ITSN2: variants seen among roughly 807,000 people sequenced by gnomAD.
The protein encoded by ITSN2 is intersectin 2, also known as intersectin-2.
In ITSN2, 156 loss-of-function variants were observed where a neutral mutation model predicts 243.7. The ratio of observed to expected loss-of-function variants is 0.64; its 90% CI spans 0.56 to 0.73. ITSN2 has a LOEUF of 0.73. Ranked by LOEUF, ITSN2 falls within the 30% of genes least tolerant of loss-of-function variation. The probability of loss-of-function intolerance (pLI) is 0.00; values close to 1 mark genes in which losing one functional copy is unlikely to be tolerated. For missense variants in ITSN2, 1,801 were observed against 1,996.1 expected, an observed-to-expected ratio of 0.90 and a Z score of 1.86; for synonymous variants, 703 against 699.9, an observed-to-expected ratio of 1.00 and a Z score of -0.07.
intron 8 of ITSN2, among the ~76,000 whole-genome samples, chr2:24,306,561 T>C (rs1682559593): frequency 6.6e-6 from 1 of 152,222 alleles, no homozygotes; most frequent in African/African-American, 2.4e-5. Flanking sequence ...CTTTAAAGTA[T>C]TCTGTTATGT....
At chr2:24,216,306 G>A in intron 31 of ITSN2, 74 bp from the exon 32 acceptor site, 2 of 1,218,014 alleles carry the variant, frequency 1.6e-6, no homozygotes, top group Non-Finnish European at 1.1e-6. Context: ...TCCCATGGCA[G>A]ACCAATGGTA....
At chr2:24,309,005 G>T in intron 7 of ITSN2, 3 of 436,814 alleles carry the variant, frequency 6.9e-6, no homozygotes, top group Non-Finnish European at 1.4e-5. Context: ...ACCCTATTGT[G>T]AATGGCACAT....
At chr2:24,299,833 A>T in intron 12 of ITSN2, 76 bp downstream of exon 12, 2 of 1,296,058 alleles carry the variant, frequency 1.5e-6, no homozygotes, top group East Asian at 4.9e-5. Context: ...AAAAATAAGC[A>T]TTTTTTAATC....
rs1478204260 is a variant in ITSN2, at chr2:24,308,833, T to G, written c.654-77A>C. On this transcript the variant is annotated intron_variant, in intron 7 of 39. Transcript: ENST00000355123. ...ATTAAATTTTATAAGACCAAGGCAT[T>G]AAGAATCTTATATACCAGGGGTCCT... The G allele has an allele frequency of 1.1e-5, 10 of 884,110 alleles. No individual in the cohort carries two copies. In the South Asian group the frequency reaches 2.4e-4, roughly 21 times the overall value. The allele number at this position is 884,110 out of a possible 1,614,324, so 54.8% of individuals were successfully genotyped here.
intron 22 of ITSN2, 63 bp from the exon 23 acceptor site, chr2:24,258,156 T>C: frequency 8.3e-7 from 1 of 1,206,400 alleles, no homozygotes; most frequent in Non-Finnish European, 1.2e-6. Context: ...TCTGTTTCTG[T>C]GTATATAACA....
chr2:24,295,609 C>T (rs1189102791), intron 14 of ITSN2, 55 bp downstream of exon 14: 53 of 1,379,210 alleles, frequency 3.8e-5, no homozygotes, highest in Non-Finnish European at 1.9e-5. Context: ...GTGCCCAGCC[C>T]AGAAGAACTA....
chr2:24,232,380 T>C (rs1277500599), intron 29 of ITSN2, among the ~76,000 whole-genome samples: 1 of 152,188 alleles, frequency 6.6e-6, no homozygotes, highest in East Asian at 1.9e-4. Context: ...TTGAATCTAC[T>C]GTAAAAGGTC....
intron 1 of ITSN2, among the ~76,000 whole-genome samples, chr2:24,337,688 A>C (rs1686613592): frequency 7.7e-6 from 1 of 129,560 alleles, no homozygotes; most frequent in Admixed American, 8.9e-5. Context: ...TGGTCTTGCT[A>C]CATTACCCAG....
At chr2:24,210,969 C>T (rs1281670735) in intron 33 of ITSN2, 22 bp from the exon 34 acceptor site, 6 of 1,612,214 alleles carry the variant, frequency 3.7e-6, no homozygotes, top group Non-Finnish European at 4.2e-6. Context: ...TGGGCAGTGT[C>T]ACATGGGGGA....
chr2:24,210,283 A>C (rs2151097304), intron 34 of ITSN2: 2 of 493,106 alleles, frequency 4.1e-6, no homozygotes, highest in East Asian at 3.6e-5. Context: ...AACTCAAAAC[A>C]AAAAATCCCA....
chr2:24,350,343 T>C (rs1293596739), intron 1 of ITSN2, among the ~76,000 whole-genome samples: 8 of 152,150 alleles, frequency 5.3e-5, no homozygotes, highest in African/African-American at 2.4e-5. Flanking sequence ...AAAATTAACC[T>C]CCTAAACTGG....
intron 1 of ITSN2, among the ~76,000 whole-genome samples, chr2:24,358,589 A>G (rs1308981602): frequency 6.6e-6 from 1 of 152,226 alleles, no homozygotes; most frequent in Non-Finnish European, 1.5e-5. Context: ...TTAAAACTAA[A>G]AATCCTAAGG....
chr2:24,353,544 C>T (rs1469504098), intron 1 of ITSN2, among the ~76,000 whole-genome samples: 2 of 152,054 alleles, frequency 1.3e-5, no homozygotes, highest in Admixed American at 6.6e-5. Flanking sequence ...GCTGAGATCC[C>T]GCCACTGCAC....
intron 17 of ITSN2, among the ~76,000 whole-genome samples, chr2:24,280,868 T>A (rs549385667): frequency 2.0e-5 from 3 of 152,344 alleles, no homozygotes; most frequent in Non-Finnish European, 2.9e-5. Context: ...TCTTCATCAA[T>A]GACCTTTTTA....
chr2:24,212,592 T>G (rs1669598954), intron 33 of ITSN2, 58 bp downstream of exon 33: 1 of 1,365,006 alleles, frequency 7.3e-7, no homozygotes, highest in African/African-American at 1.4e-5. Context: ...CTGGCCTCTG[T>G]GGACCTCAGC....
At chr2:24,327,126 G>C (rs1022168800) in intron 2 of ITSN2, among the ~76,000 whole-genome samples, 2 of 151,716 alleles carry the variant, frequency 1.3e-5, no homozygotes, top group African/African-American at 4.8e-5. Context: ...TTTCTTTAGC[G>C]ATTTAAAAAT....
intron 29 of ITSN2, among the ~76,000 whole-genome samples, chr2:24,234,511 A>C (rs1007540075): frequency 1.3e-5 from 2 of 152,238 alleles, no homozygotes; most frequent in African/African-American, 4.8e-5. Context: ...GACTTCATTA[A>C]ATGTAAACAC....
intron 15 of ITSN2, among the ~76,000 whole-genome samples, chr2:24,291,522 G>A (rs1228828521): frequency 4.6e-5 from 6 of 129,690 alleles, no homozygotes; most frequent in African/African-American, 1.8e-4. Context: ...ACGGAGTCTC[G>A]CTCTGTCACC....
chr2:24,288,507 T>C (rs1395383685), intron 15 of ITSN2, among the ~76,000 whole-genome samples: 1 of 152,136 alleles, frequency 6.6e-6, no homozygotes, highest in African/African-American at 2.4e-5. Flanking sequence ...TGTATGTTAA[T>C]TAGCTAGGCT....
Sources: gnomAD v4.1 joint callset for allele counts (sites outside exome capture counted in the v4.1 genomes callset) on GRCh38, gnomAD v4.1.1 for gene constraint, MANE v1.5 for transcripts, NCBI Gene and HGNC (gene_info 2026-07-23, HGNC 2026-07-21) for gene names.